The following HDAC9 variants were observed in gnomAD, a reference collection of about 807,000 sequenced individuals.
The protein encoded by HDAC9 is MEF-2 interacting transcription repressor (MITR) protein.
Under a neutral mutation model 139.4 loss-of-function variants are expected in HDAC9, and 41 were observed. That is an observed-to-expected ratio of 0.29 (90% CI 0.23 to 0.38). The LOEUF (loss-of-function observed/expected upper bound fraction) is 0.38. Among genes scored for constraint, HDAC9 ranks in the 10% least tolerant of loss-of-function variants. The pLI is 1.00. For synonymous variants in HDAC9, 517 were observed against 476.2 expected (o/e 1.09, Z -1.12); for missense variants, 1,147 against 1,297.0 (o/e 0.88, Z 1.78).
In HDAC9 at chr7:18,209,786, C is replaced by T. The variant is rs1408857959; in HGVS notation, c.25+47437C>T. Among the ~76,000 whole-genome samples, 8 of 151,972 alleles carry T rather than the reference C, an allele frequency of 5.3e-5. No homozygotes were observed. In the East Asian group the frequency reaches 1.6e-3, roughly 29 times the overall value. Reference sequence around the variant, plus strand: ...TGTGATCTTGGCTCACTGTAAGCTCCGCCTCCCAGTTTCACGCCATTCTCC... The same window carrying T: ...TGTGATCTTGGCTCACTGTAAGCTCTGCCTCCCAGTTTCACGCCATTCTCC... On this transcript the variant is annotated intron_variant, in intron 2 of 12. Coordinates refer to the HDAC9 transcript ENST00000417496.
chr7:18,634,520 A>G (rs943415814), intron 7 of HDAC9, 107 bp from the exon 8 acceptor site: 4 of 681,818 alleles, frequency 5.9e-6, no homozygotes, highest in African/African-American at 1.8e-5. Context: ...TAGTGCTTGC[A>G]TTTACATAGG....
chr7:18,325,229 TC>T (rs1800345816), intron 1 of HDAC9, among the ~76,000 whole-genome samples: 1 of 152,142 alleles, frequency 6.6e-6, no homozygotes. Flanking sequence ...AATATTAGTT[TC>T]CTTAATTTTT....
chr7:18,764,621 G>A (rs1268273406), intron 15 of HDAC9, among the ~76,000 whole-genome samples: 1 of 151,742 alleles, frequency 6.6e-6, no homozygotes, highest in Non-Finnish European at 1.5e-5. Flanking sequence ...TTTTTTTATT[G>A]TTGTTGTTGT....
intron 21 of HDAC9, among the ~76,000 whole-genome samples, chr7:18,858,153 A>C (rs1377558351): frequency 6.6e-6 from 1 of 152,174 alleles, no homozygotes; most frequent in Non-Finnish European, 1.5e-5. Flanking sequence ...GAAAATAATC[A>C]GTGAGAAAGC....
At chr7:18,392,297 TCTCTCTCTCTCTCTCTCTCACACACACA>T (rs1786570514) in intron 1 of HDAC9, among the ~76,000 whole-genome samples, 1 of 124,560 alleles carries the variant, frequency 8.0e-6, no homozygotes, top group African/African-American at 3.8e-5. Flanking sequence ...TCTGTCTCTC[TCTCTCTCTCTCTCTCTCTCACACACACA>T]CACACACACA....
rs143016754 is a variant in HDAC9, at chr7:18,369,262, C to T, written c.-42+78747C>T. On this transcript the variant is annotated intron_variant, in intron 1 of 3. Transcript: ENST00000413509. The stretch of plus-strand genomic sequence containing the variant: ...AATGTAACAGCAGAATAGTGGAATT[C>T]GTATGGAAATAATTGTTTTACACTT... Among the ~76,000 whole-genome samples the T allele has an allele frequency of 1.1e-4, 17 of 151,968 alleles. 1 individual carries two copies. The highest frequency in any genetic ancestry group is 3.9e-4 in the African/African-American group (16 of 41,470).
chr7:18,888,636 G>C (rs1308715782), intron 22 of HDAC9, among the ~76,000 whole-genome samples: 2 of 152,168 alleles, frequency 1.3e-5, no homozygotes, highest in Non-Finnish European at 2.9e-5. Context: ...TCTTCCATGA[G>C]AAATTGTGTG....
chr7:18,498,118 A>G (rs1354581657), intron 2 of HDAC9, among the ~76,000 whole-genome samples: 6 of 152,052 alleles, frequency 3.9e-5, no homozygotes, highest in Non-Finnish European at 7.4e-5. Context: ...GTTAACATCA[A>G]CTCCCAAAAC....
chr7:18,685,884 G>A (rs545435988), intron 12 of HDAC9, among the ~76,000 whole-genome samples: 2 of 151,992 alleles, frequency 1.3e-5, no homozygotes, highest in South Asian at 2.1e-4. Context: ...AAATTTTATT[G>A]TTGGTAGGAA....
At chr7:18,400,957 T>G (rs1360056304) in intron 1 of HDAC9, among the ~76,000 whole-genome samples, 1 of 152,226 alleles carries the variant, frequency 6.6e-6, no homozygotes, top group Non-Finnish European at 1.5e-5. Flanking sequence ...TAGTGTAATT[T>G]GCATAAGCTA....
chr7:18,506,654 G>C (rs964813049), intron 2 of HDAC9, among the ~76,000 whole-genome samples: 1 of 151,576 alleles, frequency 6.6e-6, no homozygotes, highest in South Asian at 2.1e-4. Context: ...TAAATATACA[G>C]GTTAACTATA....
chr7:18,688,067 C>CTA (rs1782402391), intron 12 of HDAC9, among the ~76,000 whole-genome samples: 1 of 151,794 alleles, frequency 6.6e-6, no homozygotes, highest in African/African-American at 2.4e-5. Flanking sequence ...AGCAAAATGA[C>CTA]TATATATACA....
intron 2 of HDAC9, among the ~76,000 whole-genome samples, chr7:18,238,454 A>C (rs1241195066): frequency 1.3e-5 from 2 of 152,212 alleles, no homozygotes; most frequent in East Asian, 3.8e-4. Context: ...ACACTAGCGT[A>C]GTGGGAGGTT....
At chr7:18,342,209 G>C (rs1782070894) in intron 1 of HDAC9, among the ~76,000 whole-genome samples, 1 of 151,776 alleles carries the variant, frequency 6.6e-6, no homozygotes, top group Non-Finnish European at 1.5e-5. Context: ...TCTCCTCTCT[G>C]ATTCTTCCTC....
chr7:18,932,746 C>T (rs772911952), intron 22 of HDAC9, among the ~76,000 whole-genome samples: 5 of 147,238 alleles, frequency 3.4e-5, no homozygotes, highest in African/African-American at 5.0e-5. Context: ...AGGGAATTTC[C>T]GAAAGAAAGT....
rs868647501 is a variant in HDAC9 at position 18,647,852 on chromosome 7, C to A, written c.1103C>A (p.Pro368His). The change falls in exon 10 of 26, where the codon CCT (proline) becomes CAT (histidine). Residue 368 changes from proline (P) to histidine (H), a missense_variant. This residue lies in a region of HDAC9 where 264 missense variants were observed against 273.8 expected (regional missense o/e 0.96). Coordinates refer to ENST00000686413, the MANE Select transcript of HDAC9 (RefSeq NM_178425.4). ...TQTLRQGVPL[P>H]GQYGGSIPAS... ...ACGCTTAGGCAAGGTGTTCCTCTGC[C>A]TGGGCAGTATGGAGGCAGCATCCCG... The A allele has an allele frequency of 6.2e-7, 1 of 1,612,598 alleles. No homozygotes were observed. Among genetic ancestry groups the A allele is most frequent in the Middle Eastern group, 1.7e-4 (1 of 6,052 alleles).
At chr7:18,549,758 G>C (rs1197985693) in intron 2 of HDAC9, among the ~76,000 whole-genome samples, 2 of 143,868 alleles carry the variant, frequency 1.4e-5, no homozygotes. Flanking sequence ...TTTTTTTTTT[G>C]GTAAAGTCAT....
chr7:18,193,348 T>G (rs1286981486), intron 2 of HDAC9, among the ~76,000 whole-genome samples: 1 of 152,218 alleles, frequency 6.6e-6, no homozygotes, highest in Non-Finnish European at 1.5e-5. Flanking sequence ...CAACAAATAT[T>G]TATTGAGCTC....
chr7:18,908,421 T>C (rs1802464883), intron 22 of HDAC9, among the ~76,000 whole-genome samples: 1 of 152,132 alleles, frequency 6.6e-6, no homozygotes, highest in African/African-American at 2.4e-5. Context: ...CTTCTAGCTA[T>C]TGGAAAACAG....
Sources: gnomAD v4.1 joint callset for allele counts (sites outside exome capture counted in the v4.1 genomes callset) on GRCh38, gnomAD v4.1.1 for gene constraint, gnomAD v4.1.1 regional missense constraint, MANE v1.5 for transcripts, NCBI Gene and HGNC (gene_info 2026-07-23, HGNC 2026-07-21) for gene names.